PCDHA12: variants seen among roughly 807,000 people sequenced by gnomAD.
PCDHA12 encodes the protein protocadherin alpha 12.
A neutral mutation model predicts 60.0 loss-of-function variants in PCDHA12; 44 were observed. The observed-to-expected ratio is 0.73, with a 90% CI of 0.58 to 0.94. The LOEUF is 0.94. Among genes scored for constraint, PCDHA12 ranks in the 40% least tolerant of loss-of-function variants. The pLI, the probability that PCDHA12 is intolerant of heterozygous loss-of-function variation, is 0.00. For missense variants in PCDHA12, 1,276 were observed against 1,239.7 expected (o/e 1.03, Z -0.44); for synonymous variants, 569 against 553.0 (o/e 1.03, Z -0.40).
At chr5:140,948,793 A>AT (rs1351130459) in intron 1 of PCDHA12, among the ~76,000 whole-genome samples, 1 of 150,328 alleles carries the variant, frequency 6.7e-6, no homozygotes, top group Non-Finnish European at 1.5e-5. Flanking sequence ...TTGTTGATAT[A>AT]TTTTCTATTG....
At chr5:140,899,250 G>A (rs1232558400) in intron 1 of PCDHA12, among the ~76,000 whole-genome samples, 1 of 152,118 alleles carries the variant, frequency 6.6e-6, no homozygotes, top group African/African-American at 2.4e-5. Flanking sequence ...GGTGAGAGAG[G>A]GCATCCCTGT....
chr5:140,881,106 C>T (rs1233394839), intron 1 of PCDHA12, among the ~76,000 whole-genome samples: 1 of 152,114 alleles, frequency 6.6e-6, no homozygotes, highest in Non-Finnish European at 1.5e-5. Context: ...CACCATTTGG[C>T]CTGGGATTTT....
chr5:140,883,494 T>C, intron 1 of PCDHA12: 1 of 1,614,208 alleles, frequency 6.2e-7, no homozygotes, highest in Non-Finnish European at 8.5e-7. Flanking sequence ...TCATTAGTGC[T>C]GGACAGCGCC....
intron 3 of PCDHA12, among the ~76,000 whole-genome samples, chr5:140,990,256 A>G (rs2153888367): frequency 6.6e-6 from 1 of 152,332 alleles, no homozygotes; most frequent in Middle Eastern, 3.4e-3. Flanking sequence ...TCTGCTGGAT[A>G]CCAAACAATG....
chr5:140,970,078 A>G (rs1260486106), intron 1 of PCDHA12, among the ~76,000 whole-genome samples: 2 of 152,124 alleles, frequency 1.3e-5, no homozygotes, highest in African/African-American at 4.8e-5. Context: ...TGAGTGGATT[A>G]GGGGTGTGGG....
At position 141,010,400 on chromosome 5, in the gene PCDHA12, T is replaced by C. The variant is rs145123720; in HGVS notation, c.*463T>C. 379 of 1,297,746 alleles carry C rather than the reference T, an allele frequency of 2.9e-4. No individual in the cohort carries two copies. Among genetic ancestry groups the C allele is most frequent in the Non-Finnish European group, 3.8e-4 (370 of 966,092 alleles). 80.4% of individuals were successfully genotyped at this position (1,297,746 alleles called of 1,614,324 possible). ...CAGATATTGGCTGAGACGAGCCAGC[T>C]TAGACTAATTGGTACAAGGAAGGCA... On this transcript the variant is annotated 3_prime_UTR_variant, in exon 4 of 4. Transcript: ENST00000398631.
rs1259125673 is a variant in PCDHA12, at chr5:140,875,828, T to G, written c.356T>G (p.Val119Gly). Residue 119 changes from valine to glycine, a missense_variant, in exon 1 of 4, where the codon GTG becomes GGG. Coordinates refer to ENST00000398631, the MANE Select transcript of PCDHA12 (RefSeq NM_018903.4). Reference sequence around the variant, plus strand: ...GACAGGCCGCTGCAGGTTTTCCATGTGGACGTGGAGGTGAAGGACATTAAC... The same window carrying G: ...GACAGGCCGCTGCAGGTTTTCCATGGGGACGTGGAGGTGAAGGACATTAAC... ...IVDRPLQVFH[V>G]DVEVKDINDN... The G allele has an allele frequency of 6.2e-6, 10 of 1,614,196 alleles. No individual in the cohort carries two copies. Among genetic ancestry groups the G allele is most frequent in the Middle Eastern group, 1.6e-4 (1 of 6,062 alleles).
At chr5:140,887,108 T>A (rs2061306818) in intron 1 of PCDHA12, among the ~76,000 whole-genome samples, 1 of 152,084 alleles carries the variant, frequency 6.6e-6, no homozygotes, top group Non-Finnish European at 1.5e-5. Context: ...TCTCTTTTTT[T>A]TTTTTTGAGA....
intron 1 of PCDHA12, among the ~76,000 whole-genome samples, chr5:140,957,864 A>G (rs1554223166): frequency 6.6e-6 from 1 of 151,762 alleles, no homozygotes; most frequent in Admixed American, 6.6e-5. Flanking sequence ...TTTTTTTCCT[A>G]TTTTGTGCTG....
intron 1 of PCDHA12, among the ~76,000 whole-genome samples, chr5:140,935,942 G>A (rs2090659965): frequency 6.8e-6 from 1 of 147,088 alleles, no homozygotes; most frequent in Non-Finnish European, 1.5e-5. Flanking sequence ...GCCCAGGCTG[G>A]AGTAAAGTGG....
intron 3 of PCDHA12, among the ~76,000 whole-genome samples, chr5:140,986,383 A>G (rs1277624649): frequency 2.6e-5 from 4 of 152,178 alleles, no homozygotes; most frequent in Admixed American, 1.3e-4. Flanking sequence ...GGGGAGGGAC[A>G]TTAAAGGGCC....
intron 1 of PCDHA12, among the ~76,000 whole-genome samples, chr5:140,953,492 G>T (rs542677103): frequency 6.6e-6 from 1 of 152,188 alleles, no homozygotes; most frequent in East Asian, 1.9e-4. Context: ...TCACAACCTT[G>T]ATCAGCTATT....
intron 1 of PCDHA12, among the ~76,000 whole-genome samples, chr5:140,959,348 G>A (rs991931151): frequency 7.2e-5 from 11 of 151,992 alleles, no homozygotes; most frequent in Middle Eastern, 6.3e-3. Flanking sequence ...GCACTCCAGC[G>A]GGACAACTGA....
intron 1 of PCDHA12, chr5:140,883,657 C>A (rs782568456): frequency 1.2e-6 from 2 of 1,613,470 alleles, no homozygotes; most frequent in East Asian, 4.5e-5. Context: ...ACACGGTGTT[C>A]GTGAAGGAAA....
chr5:140,879,532 C>T (rs1189647724), intron 1 of PCDHA12, among the ~76,000 whole-genome samples: 1 of 152,146 alleles, frequency 6.6e-6, no homozygotes, highest in Admixed American at 6.5e-5. Context: ...TTGGGAACAA[C>T]TCCTTTAGAG....
intron 2 of PCDHA12, among the ~76,000 whole-genome samples, chr5:140,979,726 G>A (rs2096861839): frequency 1.3e-5 from 2 of 152,072 alleles, no homozygotes; most frequent in African/African-American, 4.8e-5. Context: ...CATGCCATGG[G>A]GCCAAATAAA....
At chr5:140,882,987 CG>C in intron 1 of PCDHA12, 1 of 1,614,110 alleles carries the variant, frequency 6.2e-7, no homozygotes, top group South Asian at 1.1e-5. Flanking sequence ...GACAACGCCC[CG>C]GAATTTTACC....
At chr5:140,967,535 T>C in intron 1 of PCDHA12, 3 of 1,613,746 alleles carry the variant, frequency 1.9e-6, no homozygotes, top group Non-Finnish European at 2.5e-6. Context: ...CTCTCCTGCC[T>C]TTGACCAGTC....
intron 2 of PCDHA12, 148 bp from the exon 3 acceptor site, chr5:140,982,327 C>T: frequency 7.0e-7 from 1 of 1,419,146 alleles, no homozygotes; most frequent in Non-Finnish European, 9.4e-7. Context: ...AGGGTGACTG[C>T]TCAGCAGTAA....
Sources: gnomAD v4.1 joint callset for allele counts (sites outside exome capture counted in the v4.1 genomes callset) on GRCh38, gnomAD v4.1.1 for gene constraint, MANE v1.5 for transcripts, NCBI Gene and HGNC (gene_info 2026-07-23, HGNC 2026-07-21) for gene names.